Variants in ZNF616 observed in about 807,000 individuals in gnomAD.
The protein encoded by ZNF616 is zinc finger protein 616.
A neutral mutation model predicts 7.6 loss-of-function variants in ZNF616; 5 were observed. The ratio of observed to expected loss-of-function variants is 0.66; its 90% CI spans 0.34 to 1.38. The LOEUF (loss-of-function observed/expected upper bound fraction) is 1.38, where lower values mean the gene tolerates loss of function less well. Ranked by LOEUF, ZNF616 falls within the 40% of genes most tolerant of loss-of-function variation. The pLI is 0.04. For missense variants in ZNF616, 913 were observed against 948.3 expected, an observed-to-expected ratio of 0.96 and a Z score of 0.49; for synonymous variants, 319 against 317.2, an observed-to-expected ratio of 1.01 and a Z score of -0.06.
At chr19:52,131,518 A>T (rs2088960314) in intron 1 of ZNF616, among the ~76,000 whole-genome samples, 1 of 152,180 alleles carries the variant, frequency 6.6e-6, no homozygotes, top group African/African-American at 2.4e-5. Flanking sequence ...TGGAAGGCAA[A>T]GGGCCAGAAA....
At chr19:52,129,414 T>TA (rs1396144575) in intron 2 of ZNF616, among the ~76,000 whole-genome samples, 1 of 152,180 alleles carries the variant, frequency 6.6e-6, no homozygotes, top group Non-Finnish European at 1.5e-5. Context: ...ATGTTTAAAA[T>TA]AAATATAATA....
At chr19:52,126,489 T>G (rs2088909010) in intron 2 of ZNF616, among the ~76,000 whole-genome samples, 1 of 151,978 alleles carries the variant, frequency 6.6e-6, no homozygotes. Context: ...CACTCCAGCC[T>G]CGGCAATAGA....
At position 52,116,283 on chromosome 19, in the gene ZNF616, T is replaced by C. The variant is rs1269634872; in HGVS notation, c.881A>G (p.Glu294Gly). The change falls in exon 4 of 4, where the codon GAA (glutamate) becomes GGA (glycine). Residue 294 changes from glutamate (E) to glycine (G), a missense_variant. By Grantham distance (98) the Glu-to-Gly change is moderately conservative. Coordinates refer to ENST00000600228, the MANE Select transcript of ZNF616 (RefSeq NM_178523.5). The part of the protein sequence containing the change: ...LAVHQRIHTG[E>G]KPYKCNLCGK... ...ACACAGATTACATTTGTAAGGTTTTTCACCGGTATGAATTCTCTGATGAAC... is the reference window on the plus strand; with the variant it reads ...ACACAGATTACATTTGTAAGGTTTTCCACCGGTATGAATTCTCTGATGAAC... 6.2e-7 allele frequency: 1 copy of C among 1,614,216 alleles called. No homozygotes were observed. The highest frequency in any genetic ancestry group is 2.2e-5 in the East Asian group (1 of 44,882).
chr19:52,123,081 T>A (rs377730121), intron 3 of ZNF616, among the ~76,000 whole-genome samples: 7 of 152,256 alleles, frequency 4.6e-5, no homozygotes, highest in African/African-American at 9.6e-5. Flanking sequence ...AAGAAAGAAA[T>A]CTTGTAAAAT....
At chr19:52,131,831 GCA>G (rs1272387147) in intron 1 of ZNF616, among the ~76,000 whole-genome samples, 1 of 152,152 alleles carries the variant, frequency 6.6e-6, no homozygotes, top group African/African-American at 2.4e-5. Context: ...GTGGGAGAGG[GCA>G]CCTTTGCAGC....
At chr19:52,125,912 C>G (rs2088902823) in intron 2 of ZNF616, among the ~76,000 whole-genome samples, 1 of 152,132 alleles carries the variant, frequency 6.6e-6, no homozygotes, top group Admixed American at 6.5e-5. Flanking sequence ...GTACCAGAGT[C>G]TATCCACAAT....
intron 1 of ZNF616, among the ~76,000 whole-genome samples, chr19:52,136,002 T>C (rs1044602611): frequency 3.1e-4 from 47 of 151,370 alleles, no homozygotes; most frequent in African/African-American, 1.1e-3. Context: ...TGGTGGGACA[T>C]GCCTGTAATC....
intron 3 of ZNF616, among the ~76,000 whole-genome samples, chr19:52,119,058 T>C (rs1323404570): frequency 6.6e-6 from 1 of 152,214 alleles, no homozygotes; most frequent in Non-Finnish European, 1.5e-5. Context: ...AAAAGCATTA[T>C]TCAGCCATCC....
intron 3 of ZNF616, among the ~76,000 whole-genome samples, chr19:52,121,460 A>C (rs536245224): frequency 1.3e-5 from 2 of 152,364 alleles, no homozygotes; most frequent in East Asian, 1.9e-4. Flanking sequence ...AAATGATAAA[A>C]TATCTCAAAA....
At chr19:52,131,264 CAAAAAAAAAAAAAAAAA>C (rs61359785) in intron 1 of ZNF616, among the ~76,000 whole-genome samples, 4 of 39,746 alleles carry the variant, frequency 1.0e-4, no homozygotes, top group African/African-American at 1.8e-4. Flanking sequence ...ACTCTGTCAC[CAAAAAAAAAAAAAAAAA>C]AAAAAAAAAT....
At chr19:52,126,638 C>T (rs1408991598) in intron 2 of ZNF616, among the ~76,000 whole-genome samples, 3 of 151,976 alleles carry the variant, frequency 2.0e-5, no homozygotes, top group Admixed American at 2.0e-4. Context: ...TGTGGTGGCA[C>T]GTGCCTGTAG....
chr19:52,121,238 A>C (rs1358573876), intron 3 of ZNF616, among the ~76,000 whole-genome samples: 4 of 152,190 alleles, frequency 2.6e-5, no homozygotes, highest in African/African-American at 7.2e-5. Context: ...TATTTTTAGT[A>C]GCGACGCGGT....
chr19:52,116,892 T>C lies in ZNF616; in HGVS notation c.272A>G (p.Gln91Arg). The change falls in exon 4 of 4, where the codon CAG (glutamine) becomes CGG (arginine). Residue 91 changes from glutamine (Q) to arginine (R), a missense_variant. Coordinates refer to ENST00000600228, the MANE Select transcript of ZNF616 (RefSeq NM_178523.5). ...AAATTCAAGGTCATGTAGATGTTTC[T>C]GTATTTCCCTGAAGTATAAATTTTC... The part of the protein sequence containing the change: ...DIENLYFREI[Q>R]KHLHDLEFQW... The C allele has an allele frequency of 6.2e-7, 1 of 1,614,068 alleles. No individual in the cohort carries two copies. Among genetic ancestry groups the C allele is most frequent in the East Asian group, 2.2e-5 (1 of 44,872 alleles).
intron 2 of ZNF616, 87 bp downstream of exon 2, chr19:52,130,414 C>CA: frequency 8.1e-7 from 1 of 1,237,584 alleles, no homozygotes; most frequent in East Asian, 2.3e-5. Context: ...AGAAGATTTG[C>CA]AACTCCGACG....
rs112523828 is a variant in ZNF616 at position 52,113,406 on chromosome 19, T to C, written c.*1412A>G. 1 of 152,200 alleles carries C rather than the reference T, an allele frequency of 6.6e-6. No homozygotes were observed. Among genetic ancestry groups the C allele is most frequent in the African/African-American group, 2.4e-5 (1 of 41,454 alleles). The allele number at this position is 152,200 out of a possible 1,614,324, so 9.4% of individuals were successfully genotyped here. On this transcript the variant is annotated 3_prime_UTR_variant, in exon 4 of 4. Coordinates refer to ENST00000600228, the MANE Select transcript of ZNF616 (RefSeq NM_178523.5). ...TTTCATGTTCAGCATACTTACAGGA[T>C]TTTTCTCCTTTATACGTTCAATCAA... is the stretch of plus-strand genomic sequence containing the variant.
rs141500999 is a variant in ZNF616, at chr19:52,135,206, T to C, written c.-77+4526A>G. ...GTCCACACCCTTCCCAGATACTCCA[T>C]AGTGCTCCCCATATCGTGCTACGAA... On this transcript the variant is annotated intron_variant, in intron 1 of 3. Coordinates refer to ENST00000600228, the MANE Select transcript of ZNF616 (RefSeq NM_178523.5). 3.6e-3 allele frequency among the ~76,000 whole-genome samples: 550 copies of C among 152,216 alleles called. 3 individuals are homozygous for C. The highest frequency in any genetic ancestry group is 0.017 in the Middle Eastern group (5 of 294).
intron 1 of ZNF616, among the ~76,000 whole-genome samples, chr19:52,132,898 G>T (rs1469166940): frequency 6.6e-6 from 1 of 152,168 alleles, no homozygotes; most frequent in East Asian, 1.9e-4. Context: ...GATAAGAAGA[G>T]GTTCAAGGAC....
At position 52,115,863 on chromosome 19, in the gene ZNF616, T is replaced by C. The variant is rs1460182007; in HGVS notation, c.1301A>G (p.Gln434Arg). The C allele has an allele frequency of 1.9e-6, 3 of 1,614,108 alleles. No homozygotes were observed. The highest frequency in any genetic ancestry group is 2.2e-5 in the East Asian group (1 of 44,894). Residue 434 changes from glutamine to arginine, a missense_variant, in exon 4 of 4, where the codon CAG becomes CGG. Gln to Arg is a conservative substitution (Grantham distance 43, BLOSUM62 1). Transcript: ENST00000600228. Reference protein sequence around the residue: ...LAVHQRIHTGQKTYKCNKCGK... With the variant: ...LAVHQRIHTGRKTYKCNKCGK... ...ACATTTATTGCATTTGTAAGTTTTC[T>C]GTCCAGTATGAATTCTCTGATGCAC...
rs1164296138 is a variant in ZNF616, at chr19:52,123,946, T to G, written c.116A>C (p.Asn39Thr). The change falls in exon 3 of 4, where the codon AAC becomes ACC. Residue 39 changes from asparagine (N) to threonine (T), a missense_variant. By Grantham distance (65) the Asn-to-Thr change is moderately conservative. Transcript: ENST00000600228. The part of the protein sequence containing the change: ...KALYKDVMLE[N>T]YRNLVFLGIS... ...ACCTAGGAAGACCAGGTTCCTATAG[T>G]TCTCCAACATCACATCCTTGTACAA... The G allele has an allele frequency of 9.3e-6, 15 of 1,614,022 alleles. No individual in the cohort carries two copies. Among genetic ancestry groups the G allele is most frequent in the Non-Finnish European group, 1.1e-5 (13 of 1,179,926 alleles).
Sources: gnomAD v4.1 joint callset for allele counts (sites outside exome capture counted in the v4.1 genomes callset) on GRCh38, gnomAD v4.1.1 for gene constraint, MANE v1.5 for transcripts, NCBI Gene and HGNC (gene_info 2026-07-23, HGNC 2026-07-21) for gene names.